Variants in MID2 observed in about 807,000 individuals in gnomAD.
The protein encoded by MID2 is probable E3 ubiquitin-protein ligase MID2.
Under a neutral mutation model 46.1 loss-of-function variants are expected in MID2, and 13 were observed. That is an observed-to-expected ratio of 0.28 (90% CI 0.18 to 0.45). The LOEUF (loss-of-function observed/expected upper bound fraction) is 0.45. MID2 is among the 20% of genes least tolerant of loss of function. The pLI is 1.00. For synonymous variants in MID2, 199 were observed against 212.3 expected (o/e 0.94, Z 0.55); for missense variants, 431 against 575.4 (o/e 0.75, Z 2.57).
chrX:107,874,222 G>T (rs1243363449), intron 3 of MID2, among the ~76,000 whole-genome samples: 1 of 111,809 alleles, frequency 8.9e-6, no homozygotes, highest in East Asian at 2.8e-4. Flanking sequence ...CTGGGAGGAA[G>T]GTGGCTGGAT....
intron 1 of MID2, among the ~76,000 whole-genome samples, chrX:107,836,787 C>G (rs1211918527): frequency 9.0e-6 from 1 of 110,681 alleles, no homozygotes; most frequent in Non-Finnish European, 1.9e-5. Context: ...TATTCAGTAC[C>G]CGAAAATTGG....
intron 3 of MID2, among the ~76,000 whole-genome samples, chrX:107,861,141 A>G (rs1002463903): frequency 8.9e-6 from 1 of 111,853 alleles, no homozygotes; most frequent in African/African-American, 3.3e-5. Flanking sequence ...AGAGACGAGG[A>G]AAACCAACAA....
intron 2 of MID2, among the ~76,000 whole-genome samples, chrX:107,847,099 A>T (rs1353120915): frequency 8.9e-6 from 1 of 112,536 alleles, no homozygotes; most frequent in East Asian, 2.8e-4. Flanking sequence ...TTTGTCTCAC[A>T]TGAAGCTAGA....
At chrX:107,827,961 T>A (rs1227533847) in intron 1 of MID2, among the ~76,000 whole-genome samples, 2 of 112,532 alleles carry the variant, frequency 1.8e-5, no homozygotes, top group South Asian at 3.6e-4. Context: ...ACAAATGTAA[T>A]CCCCAGTGTT....
At chrX:107,878,590 CACCTATT>C (rs1932252484) in intron 3 of MID2, among the ~76,000 whole-genome samples, 1 of 112,123 alleles carries the variant, frequency 8.9e-6, no homozygotes, top group Non-Finnish European at 1.9e-5. Context: ...CTTGGCGGAC[CACCTATT>C]ACATTGGGGA....
Position 107,926,887 on chromosome X carries a change from C to T in MID2, c.2022C>T (p.Leu674=). Residue 674 remains leucine (L), a synonymous_variant, in exon 10 of 10, where the codon CTC becomes CTT. Coordinates refer to ENST00000262843, the MANE Select transcript of MID2 (RefSeq NM_012216.4). Reference sequence around the variant, plus strand: ...CTTTCTATGACCCAGCTAACTCTCTCCATCTTCATACTTTTGATGTGACCT... The same window carrying T: ...CTTTCTATGACCCAGCTAACTCTCTTCATCTTCATACTTTTGATGTGACCT... The part of the protein sequence containing the change: ...MLSFYDPANS[L]HLHTFDVTFI... 1 of 1,211,132 alleles carries T rather than the reference C, an allele frequency of 8.3e-7. No homozygotes were observed. The highest frequency in any genetic ancestry group is 1.1e-6 in the Non-Finnish European group (1 of 894,838).
Position 107,905,522 on chromosome X carries a change from C to T in MID2, c.969C>T (p.Arg323=). 1.7e-6 allele frequency: 2 copies of T among 1,207,307 alleles called. No individual in the cohort carries two copies. The highest frequency in any genetic ancestry group is 2.3e-4 in the Middle Eastern group (1 of 4,341). ...TGGCACAGCAGGTTGCTAATTGCCG[C>T]CAGTGTCTTGAACGGTCAACAGTCC... ...RKLAQQVANC[R]QCLERSTVLI... Residue 323 remains arginine, a synonymous_variant, in exon 5 of 10, where the codon CGC becomes CGT. Transcript: ENST00000262843.
chrX:107,830,917 T>G (rs1228927657), intron 1 of MID2, among the ~76,000 whole-genome samples: 5 of 111,829 alleles, frequency 4.5e-5, no homozygotes, highest in Non-Finnish European at 9.4e-5. Flanking sequence ...TGTGGCTGTT[T>G]CTATTTGTTT....
intron 3 of MID2, among the ~76,000 whole-genome samples, chrX:107,891,279 C>CT (rs753102005): frequency 0.019 from 1,797 of 93,323 alleles, 50 homozygotes; most frequent in African/African-American, 0.058. Context: ...TGTTTTATAC[C>CT]TTTTTTTTTT....
chrX:107,916,732 G>A (rs1031757663), intron 6 of MID2, among the ~76,000 whole-genome samples: 4 of 112,364 alleles, frequency 3.6e-5, no homozygotes, highest in Non-Finnish European at 7.5e-5. Context: ...CTTTATTCTA[G>A]ACACTGTATA....
intron 3 of MID2, among the ~76,000 whole-genome samples, chrX:107,870,342 A>G (rs1932037697): frequency 1.8e-5 from 2 of 109,778 alleles, no homozygotes; most frequent in Non-Finnish European, 1.9e-5. Flanking sequence ...TAGTAAATGC[A>G]TTTGAGACCT....
rs1933245377 is a variant in MID2 at position 107,929,450 on chromosome X, G to C, written c.*2377G>C. ...TTTCCCCCTCACATTGATTAAGGTA[G>C]CCAAGTTTAACTATTTACACAACTA... On this transcript the variant is annotated 3_prime_UTR_variant, in exon 10 of 10. Coordinates refer to ENST00000262843, the MANE Select transcript of MID2 (RefSeq NM_012216.4). Among the ~76,000 whole-genome samples, 1 of 111,559 alleles carries C rather than the reference G, an allele frequency of 9.0e-6. No homozygotes were observed. Among genetic ancestry groups the C allele is most frequent in the South Asian group, 3.8e-4 (1 of 2,652 alleles).
chrX:107,876,322 C>G (rs1407897205), intron 3 of MID2, among the ~76,000 whole-genome samples: 1 of 111,405 alleles, frequency 9.0e-6, no homozygotes, highest in Non-Finnish European at 1.9e-5. Flanking sequence ...CAGTTTCCTC[C>G]TAATATCAGG....
At position 107,840,903 on chromosome X, in the gene MID2, A is replaced by G; in HGVS notation, c.238A>G (p.Arg80Gly). Residue 80 changes from arginine (R) to glycine (G), a missense_variant, in exon 2 of 10, where the codon AGG (arginine) becomes GGG (glycine). Arg to Gly is a moderately radical substitution (Grantham distance 125, BLOSUM62 -2). Coordinates refer to ENST00000262843, the MANE Select transcript of MID2 (RefSeq NM_012216.4). ...PITAFQCPTCRYVISLNHRGL... is the reference protein window; with the variant it reads ...PITAFQCPTCGYVISLNHRGL... ...TACTGCTTTCCAGTGTCCTACCTGC[A>G]GGTATGTTATCTCGCTGAACCACCG... The G allele has an allele frequency of 8.3e-7, 1 of 1,211,449 alleles. No individual in the cohort carries two copies. Among genetic ancestry groups the G allele is most frequent in the Non-Finnish European group, 1.1e-6 (1 of 895,285 alleles).
chrX:107,875,753 G>A (rs745423365), intron 3 of MID2, among the ~76,000 whole-genome samples: 1 of 111,710 alleles, frequency 9.0e-6, no homozygotes, highest in East Asian at 2.8e-4. Context: ...AAAAAATACC[G>A]GATTAAGAGC....
At chrX:107,868,330 A>T (rs925007537) in intron 3 of MID2, among the ~76,000 whole-genome samples, 9 of 111,835 alleles carry the variant, frequency 8.0e-5, no homozygotes, top group African/African-American at 1.3e-4. Flanking sequence ...CTGAAAGAAG[A>T]AAGTATTTTC....
intron 1 of MID2, among the ~76,000 whole-genome samples, chrX:107,830,681 T>C (rs1455760351): frequency 8.9e-6 from 1 of 112,332 alleles, no homozygotes; most frequent in East Asian, 2.8e-4. Flanking sequence ...CTAAGCAGTG[T>C]ACAGAAGAGA....
At chrX:107,902,068 G>A (rs903881929) in intron 3 of MID2, among the ~76,000 whole-genome samples, 2 of 111,714 alleles carry the variant, frequency 1.8e-5, no homozygotes, top group African/African-American at 6.5e-5. Context: ...CACTCTCTCA[G>A]CCCAAATCTC....
At chrX:107,872,958 G>A (rs1050931387) in intron 3 of MID2, among the ~76,000 whole-genome samples, 3 of 111,026 alleles carry the variant, frequency 2.7e-5, no homozygotes, top group Non-Finnish European at 3.8e-5. Context: ...CAGGGGCGAC[G>A]AGTCTCCTAA....
Sources: allele counts gnomAD v4.1 joint callset (sites outside exome capture counted in the v4.1 genomes callset), GRCh38; gene constraint gnomAD v4.1.1; transcripts MANE v1.5; gene names NCBI Gene and HGNC (gene_info 2026-07-23, HGNC 2026-07-21).